CNTNAP3: variants seen among roughly 807,000 people sequenced by gnomAD.
CNTNAP3 encodes the protein contactin associated protein family member 3.
A neutral mutation model predicts 92.1 loss-of-function variants in CNTNAP3; 36 were observed. The observed-to-expected ratio is 0.39, with a 90% CI of 0.30 to 0.52. The LOEUF is 0.52. CNTNAP3 is among the 20% of genes least tolerant of loss of function. The pLI is 0.76. For missense variants in CNTNAP3, 534 were observed against 1,069.6 expected (o/e 0.50, Z 6.98); for synonymous variants, 232 against 422.3 (o/e 0.55, Z 5.53).
At chr9:39,130,495 CTTTT>C (rs58074019) in intron 13 of CNTNAP3, among the ~76,000 whole-genome samples, 4 of 111,200 alleles carry the variant, frequency 3.6e-5, no homozygotes, top group Non-Finnish European at 5.5e-5. Context: ...AGGAGGAATT[CTTTT>C]TTTTTTTTTT....
chr9:39,075,866 G>C (rs1825748445), intron 23 of CNTNAP3, among the ~76,000 whole-genome samples: 1 of 152,282 alleles, frequency 6.6e-6, no homozygotes, highest in African/African-American at 2.4e-5. Context: ...TTTTTCTCTT[G>C]TTAATCAGAG....
intron 21 of CNTNAP3, among the ~76,000 whole-genome samples, chr9:39,084,087 C>T (rs1826009145): frequency 6.6e-6 from 1 of 151,730 alleles, no homozygotes; most frequent in Non-Finnish European, 1.5e-5. Context: ...CATATATTAG[C>T]CTATGTACCT....
At chr9:39,087,501 G>GTTTT (rs1164458342) in intron 19 of CNTNAP3, among the ~76,000 whole-genome samples, 2 of 149,048 alleles carry the variant, frequency 1.3e-5, no homozygotes, top group South Asian at 2.1e-4. Context: ...TTGTTTGTTT[G>GTTTT]TTTGAGGTGG....
At position 39,069,689 on chromosome 9, in the gene CNTNAP3, T is replaced by C. The variant is rs1298119158; in HGVS notation, c.*4201A>G. Among the ~76,000 whole-genome samples the C allele has an allele frequency of 2.0e-4, 30 of 152,196 alleles. No homozygotes were observed. The highest frequency in any genetic ancestry group is 7.0e-4 in the African/African-American group (29 of 41,384). The stretch of plus-strand genomic sequence containing the variant: ...TAATAAATTCTGCTACTACTCCTAG[T>C]AATGGCAACTTTATGTAACCTTCTT... On this transcript the variant is annotated 3_prime_UTR_variant, in exon 24 of 24. Transcript: ENST00000297668.
intron 14 of CNTNAP3, among the ~76,000 whole-genome samples, chr9:39,114,126 A>C (rs912948120): frequency 5.2e-4 from 72 of 138,812 alleles, no homozygotes; most frequent in African/African-American, 1.9e-3. Flanking sequence ...TCTGTCGCCC[A>C]GGCTGGAGTG....
intron 14 of CNTNAP3, among the ~76,000 whole-genome samples, chr9:39,110,950 C>A (rs1826732776): frequency 1.3e-5 from 2 of 151,984 alleles, no homozygotes; most frequent in Admixed American, 1.3e-4. Context: ...CTCAAACCTT[C>A]TTTTGTATGC....
intron 1 of CNTNAP3, among the ~76,000 whole-genome samples, chr9:39,272,668 G>A (rs544030319): frequency 0.16 from 3,791 of 24,166 alleles, 1,555 homozygotes; most frequent in African/African-American, 0.3. Flanking sequence ...TTGTTATTAC[G>A]AATGTATCCA....
intron 13 of CNTNAP3, among the ~76,000 whole-genome samples, chr9:39,126,924 A>G (rs1414064701): frequency 2.0e-5 from 3 of 152,122 alleles, no homozygotes; most frequent in Non-Finnish European, 4.4e-5. Flanking sequence ...AAATACATAC[A>G]GAATACTCCA....
intron 12 of CNTNAP3, among the ~76,000 whole-genome samples, chr9:39,136,707 C>A (rs1165767411): frequency 6.6e-6 from 1 of 152,114 alleles, no homozygotes; most frequent in Non-Finnish European, 1.5e-5. Context: ...TCAAGACCAG[C>A]TTTACCAACA....
At chr9:39,161,489 T>C (rs1322517309) in intron 9 of CNTNAP3, among the ~76,000 whole-genome samples, 1 of 40,104 alleles carries the variant, frequency 2.5e-5, no homozygotes, top group Non-Finnish European at 4.4e-5. Context: ...TTACACCATA[T>C]ACAAAAATCA....
intron 14 of CNTNAP3, among the ~76,000 whole-genome samples, chr9:39,116,711 G>A (rs1373327784): frequency 6.6e-6 from 1 of 152,014 alleles, no homozygotes; most frequent in East Asian, 1.9e-4. Context: ...TGATCATTTA[G>A]TAATTTTGAA....
chr9:39,127,669 A>G (rs1454018218), intron 13 of CNTNAP3, among the ~76,000 whole-genome samples: 1 of 152,194 alleles, frequency 6.6e-6, no homozygotes, highest in Non-Finnish European at 1.5e-5. Context: ...AATTCAGATT[A>G]ATGGACAAAT....
intron 23 of CNTNAP3, among the ~76,000 whole-genome samples, chr9:39,074,939 T>C (rs1825717612): frequency 1.3e-5 from 2 of 152,292 alleles, no homozygotes; most frequent in South Asian, 4.1e-4. Context: ...CGGCTAACTT[T>C]TTGCATTTTT....
intron 16 of CNTNAP3, 45 bp downstream of exon 16, chr9:39,103,699 C>A (rs748560488): frequency 6.4e-7 from 1 of 1,559,644 alleles, no homozygotes; most frequent in Non-Finnish European, 8.6e-7. Context: ...GCTTTTATTG[C>A]TAAATAATGG....
At chr9:39,134,985 T>C (rs139206332) in intron 12 of CNTNAP3, among the ~76,000 whole-genome samples, 1,886 of 152,270 alleles carry the variant, frequency 0.012, 43 homozygotes, top group South Asian at 0.087. Context: ...GGTTAAGATG[T>C]GATCACAGAA....
chr9:39,107,193 T>A (rs2990114), intron 15 of CNTNAP3, among the ~76,000 whole-genome samples: 72 of 131,656 alleles, frequency 5.5e-4, no homozygotes, highest in Middle Eastern at 8.1e-3. Flanking sequence ...CAAAAAGCGC[T>A]GAAACAGTGC....
At chr9:39,107,466 A>C (rs897676376) in intron 15 of CNTNAP3, among the ~76,000 whole-genome samples, 2 of 152,134 alleles carry the variant, frequency 1.3e-5, no homozygotes, top group African/African-American at 4.8e-5. Flanking sequence ...CAAGGAAAGA[A>C]AAATTTCATA....
In CNTNAP3 at chr9:39,067,355, G is replaced by C. The variant is rs1242611222; in HGVS notation, c.*6535C>G. Among the ~76,000 whole-genome samples the C allele has an allele frequency of 6.6e-6, 1 of 152,302 alleles. No homozygotes were observed. Among genetic ancestry groups the C allele is most frequent in the Non-Finnish European group, 1.5e-5 (1 of 68,056 alleles). ...TATTTTTCTGCCTCTTCACACACTT[G>C]GTAATTTTTTATTGTATACCAGACA... On this transcript the variant is annotated 3_prime_UTR_variant, in exon 24 of 24. Coordinates refer to ENST00000297668, the MANE Select transcript of CNTNAP3 (RefSeq NM_033655.5).
In CNTNAP3 at chr9:39,150,086, G is replaced by C. The variant is rs907839551; in HGVS notation, c.1478-109C>G. The C allele has an allele frequency of 2.2e-5, 16 of 718,776 alleles. No individual in the cohort carries two copies. The Admixed American group carries it at 3.5e-4, about 16-fold the overall frequency. The allele number at this position is 718,776 out of a possible 1,614,324, so 44.5% of individuals were successfully genotyped here. On this transcript the variant is annotated intron_variant, in intron 9 of 23. Coordinates refer to ENST00000297668, the MANE Select transcript of CNTNAP3 (RefSeq NM_033655.5). ...CCCGCTTGTTTATGGACATCGGTAT[G>C]ATGCGATGAGCTTCACCATTCATTA...
Sources: allele counts gnomAD v4.1 joint callset (sites outside exome capture counted in the v4.1 genomes callset), GRCh38; gene constraint gnomAD v4.1.1; transcripts MANE v1.5; gene names NCBI Gene and HGNC (gene_info 2026-07-23, HGNC 2026-07-21).